Variants in CC2D2A observed in about 807,000 individuals in gnomAD.
CC2D2A encodes coiled-coil and C2 domain-containing protein 2A.
CC2D2A carries 155 observed loss-of-function variants against 212.9 expected under a neutral mutation model. The ratio of observed to expected loss-of-function variants is 0.73; its 90% CI spans 0.64 to 0.83. CC2D2A has a LOEUF of 0.83. CC2D2A is among the 40% of genes least tolerant of loss of function. The pLI is 0.00. For missense variants in CC2D2A, 1,856 were observed against 1,956.2 expected (o/e 0.95, Z 0.97); for synonymous variants, 667 against 686.5 (o/e 0.97, Z 0.44).
chr4:15,574,418 A>T (rs2109078139), intron 29 of CC2D2A, 92 bp downstream of exon 29: 2 of 930,972 alleles, frequency 2.1e-6, no homozygotes, highest in Non-Finnish European at 3.1e-6. Context: ...TTTCCTACAC[A>T]AACAGAGCCT....
At chr4:15,495,532 C>T (rs1447482498) in intron 4 of CC2D2A, among the ~76,000 whole-genome samples, 1 of 152,208 alleles carries the variant, frequency 6.6e-6, no homozygotes, top group Admixed American at 6.5e-5. Context: ...TAGCCTCCAG[C>T]TCCATCTATG....
intron 33 of CC2D2A, among the ~76,000 whole-genome samples, chr4:15,590,054 T>TC (rs1721029089): frequency 6.6e-6 from 1 of 152,188 alleles, no homozygotes; most frequent in Admixed American, 6.5e-5. Flanking sequence ...GGCAAATTTG[T>TC]CACCTGAACA....
chr4:15,479,455 G>A, intron 3 of CC2D2A: 2 of 782,122 alleles, frequency 2.6e-6, no homozygotes, highest in Non-Finnish European at 4.3e-6. Flanking sequence ...GCCATTTTGA[G>A]CCAGCAGTCA....
chr4:15,594,634 G>A (rs1267110499), intron 33 of CC2D2A, among the ~76,000 whole-genome samples: 1 of 152,134 alleles, frequency 6.6e-6, no homozygotes, highest in East Asian at 1.9e-4. Flanking sequence ...CCAGTCTACT[G>A]GCCAAAAGTC....
chr4:15,496,980 C>T lies in CC2D2A; in HGVS notation c.248-5449C>T, dbSNP rs79700526. On this transcript the variant is annotated intron_variant, in intron 4 of 36. Transcript: ENST00000424120. The stretch of plus-strand genomic sequence containing the variant: ...GAAGAACCAGTATTGTTAGGTTGGA[C>T]ATACTGCTCAAGGCAATTTAAGATT... 5.2e-3 allele frequency among the ~76,000 whole-genome samples: 792 copies of T among 152,304 alleles called. 9 individuals are homozygous for T. Among genetic ancestry groups the T allele is most frequent in the African/African-American group, 0.018 (753 of 41,566 alleles).
chr4:15,583,597 T>C (rs1044969748), intron 30 of CC2D2A, among the ~76,000 whole-genome samples: 8 of 152,146 alleles, frequency 5.3e-5, no homozygotes, highest in Non-Finnish European at 1.2e-4. Flanking sequence ...GCTACAAAAA[T>C]TTATAAGATA....
intron 4 of CC2D2A, 118 bp downstream of exon 4, chr4:15,480,945 ACCCACTTTACC>A: frequency 8.3e-7 from 1 of 1,209,306 alleles, no homozygotes; most frequent in Non-Finnish European, 1.1e-6. Flanking sequence ...CTGCTGCTCC[ACCCACTTTACC>A]CCAACTTGGT....
intron 11 of CC2D2A, chr4:15,519,722 A>G: frequency 4.8e-6 from 2 of 420,068 alleles, no homozygotes; most frequent in Non-Finnish European, 9.5e-6. Context: ...GTGCAGGGAA[A>G]CTCCCATTTT....
chr4:15,527,432 T>C lies in CC2D2A; in HGVS notation c.1150-15T>C, dbSNP rs780977948. Reference sequence around the variant, plus strand: ...CTTTAACTGTGTTCTGTCTACACTCTGCTTTCCTTGGCAGGCTGTAAAATA... The same window carrying C: ...CTTTAACTGTGTTCTGTCTACACTCCGCTTTCCTTGGCAGGCTGTAAAATA... On this transcript the variant is annotated splice_polypyrimidine_tract_variant and intron_variant, in intron 11 of 36. Coordinates refer to ENST00000424120, the MANE Select transcript of CC2D2A (RefSeq NM_001378615.1). 1.2e-6 allele frequency: 2 copies of C among 1,600,974 alleles called. No homozygotes were observed. Among genetic ancestry groups the C allele is most frequent in the Non-Finnish European group, 1.7e-6 (2 of 1,170,416 alleles).
chr4:15,588,948 A>C (rs1560196125), intron 32 of CC2D2A, among the ~76,000 whole-genome samples: 1 of 151,908 alleles, frequency 6.6e-6, no homozygotes, highest in African/African-American at 2.4e-5. Flanking sequence ...AATAGAACCT[A>C]ACAATACGTA....
chr4:15,575,121 G>T (rs985472144), intron 29 of CC2D2A, among the ~76,000 whole-genome samples: 1 of 152,140 alleles, frequency 6.6e-6, no homozygotes, highest in African/African-American at 2.4e-5. Flanking sequence ...ATATATTGAT[G>T]GTGACCTCTT....
At chr4:15,471,852 C>A (rs1713852876) in intron 1 of CC2D2A, among the ~76,000 whole-genome samples, 1 of 152,122 alleles carries the variant, frequency 6.6e-6, no homozygotes, top group Admixed American at 6.5e-5. Context: ...TGTATCTCAA[C>A]CTCCAGGTAT....
At chr4:15,512,819 G>T (rs983126779) in intron 8 of CC2D2A, among the ~76,000 whole-genome samples, 5 of 152,090 alleles carry the variant, frequency 3.3e-5, no homozygotes, top group Admixed American at 2.0e-4. Flanking sequence ...TGGGTGTGGT[G>T]GCAGGCACCT....
intron 17 of CC2D2A, among the ~76,000 whole-genome samples, chr4:15,550,474 T>C (rs572313471): frequency 6.6e-6 from 1 of 152,352 alleles, no homozygotes; most frequent in Non-Finnish European, 1.5e-5. Context: ...CTGATGGCAT[T>C]ACTGTCTGAA....
intron 30 of CC2D2A, among the ~76,000 whole-genome samples, chr4:15,583,555 A>T (rs1393133683): frequency 3.3e-5 from 5 of 152,308 alleles, no homozygotes; most frequent in Non-Finnish European, 7.4e-5. Context: ...AAACTAGCTT[A>T]AAAAAATCAA....
At chr4:15,471,280 A>G (rs1389892357) in intron 1 of CC2D2A, among the ~76,000 whole-genome samples, 3 of 152,178 alleles carry the variant, frequency 2.0e-5, no homozygotes, top group African/African-American at 7.2e-5. Context: ...AGGTTTCAGA[A>G]GCACCATAAA....
At chr4:15,545,041 T>G (rs1718637774) in intron 17 of CC2D2A, among the ~76,000 whole-genome samples, 1 of 152,220 alleles carries the variant, frequency 6.6e-6, no homozygotes, top group African/African-American at 2.4e-5. Flanking sequence ...CATACCACAA[T>G]GGCATAATGG....
chr4:15,582,330 A>C (rs1209389320), intron 30 of CC2D2A, among the ~76,000 whole-genome samples: 1 of 152,150 alleles, frequency 6.6e-6, no homozygotes, highest in Admixed American at 6.5e-5. Flanking sequence ...TCTAAACCCA[A>C]ATTAAGTAGA....
At position 15,560,635 on chromosome 4, in the gene CC2D2A, A is replaced by G. The variant is rs766270477; in HGVS notation, c.3014+13A>G. On this transcript the variant is annotated intron_variant, in intron 23 of 36. Coordinates refer to ENST00000424120, the MANE Select transcript of CC2D2A (RefSeq NM_001378615.1). ...TTCCCAATATCAGGTAAAAATAATC[A>G]AAGCCATTATTATCAATTCTTATAA... 1.8e-6 allele frequency: 2 copies of G among 1,100,026 alleles called. No homozygotes were observed. The highest frequency in any genetic ancestry group is 2.2e-5 in the Admixed American group (1 of 45,354). 68.1% of individuals were successfully genotyped at this position (1,100,026 alleles called of 1,614,324 possible). A position where few individuals can be genotyped will look rare whatever the true frequency, so the allele number is the denominator to read the frequency against.
Sources: allele counts gnomAD v4.1 joint callset (sites outside exome capture counted in the v4.1 genomes callset), GRCh38; gene constraint gnomAD v4.1.1; transcripts MANE v1.5; gene names NCBI Gene and HGNC (gene_info 2026-07-23, HGNC 2026-07-21).